SDK1: variants seen among roughly 807,000 people sequenced by gnomAD.
SDK1 encodes protein sidekick-1.
SDK1 carries 157 observed loss-of-function variants against 245.5 expected under a neutral mutation model. The ratio of observed to expected loss-of-function variants is 0.64; its 90% CI spans 0.56 to 0.73. The LOEUF (loss-of-function observed/expected upper bound fraction) is 0.73, where lower values mean the gene tolerates loss of function less well. Ranked by LOEUF, SDK1 falls within the 30% of genes least tolerant of loss-of-function variation. The pLI is 0.00. For synonymous variants in SDK1, 1,647 were observed against 1,278.5 expected, an observed-to-expected ratio of 1.29 and a Z score of -6.15; for missense variants, 3,583 against 3,002.3, an observed-to-expected ratio of 1.19 and a Z score of -4.52.
At chr7:4,136,435 C>A (rs555618224) in intron 28 of SDK1, among the ~76,000 whole-genome samples, 1 of 152,234 alleles carries the variant, frequency 6.6e-6, no homozygotes, top group African/African-American at 2.4e-5. Context: ...AGTACATAAA[C>A]ACCTCTGCCG....
At chr7:4,200,813 A>G (rs145497132) in intron 35 of SDK1, among the ~76,000 whole-genome samples, 209 of 152,394 alleles carry the variant, frequency 1.4e-3, no homozygotes, top group African/African-American at 4.8e-3. Flanking sequence ...TTCTCAGGGC[A>G]TAAGTAACAG....
rs552193856 is a variant in SDK1, at chr7:3,583,051, C to T, written c.299-36029C>T. ...CAGGTCTAGTCCTAAATGCAGAGGG[C>T]AGGGGTAGGGATGGGAGTAAAAGCA... On this transcript the variant is annotated intron_variant, in intron 1 of 44. Coordinates refer to ENST00000404826, the MANE Select transcript of SDK1 (RefSeq NM_152744.4). 1.1e-3 allele frequency among the ~76,000 whole-genome samples: 170 copies of T among 152,226 alleles called. 1 individual carries two copies. The highest frequency in any genetic ancestry group is 4.0e-3 in the African/African-American group (166 of 41,540).
intron 4 of SDK1, among the ~76,000 whole-genome samples, chr7:3,763,612 A>G (rs1227959097): frequency 6.6e-6 from 1 of 152,246 alleles, no homozygotes; most frequent in Non-Finnish European, 1.5e-5. Flanking sequence ...TGCACACAAT[A>G]AAATGGATAA....
intron 4 of SDK1, among the ~76,000 whole-genome samples, chr7:3,701,007 C>G (rs1784722975): frequency 6.6e-6 from 1 of 151,952 alleles, no homozygotes; most frequent in South Asian, 2.1e-4. Context: ...GCGCGTGAGC[C>G]CCATAGGGCT....
At position 3,311,779 on chromosome 7, in the gene SDK1, A is replaced by G. The variant is rs554092621; in HGVS notation, c.298+9895A>G. Among the ~76,000 whole-genome samples the G allele has an allele frequency of 3.3e-4, 50 of 152,282 alleles. 1 individual carries two copies. The highest frequency in any genetic ancestry group is 1.0e-3 in the Admixed American group (16 of 15,294). On this transcript the variant is annotated intron_variant, in intron 1 of 44. Transcript: ENST00000404826. ...TGGACAAAATATAACAAGAACAAAC[A>G]AGCGTTTCTGAAGTTTAAAATACCA... is the stretch of plus-strand genomic sequence containing the variant.
chr7:3,301,974 C>A (rs1194322613), intron 1 of SDK1, 90 bp downstream of exon 1: 55 of 966,964 alleles, frequency 5.7e-5, no homozygotes, highest in Admixed American at 1.2e-4. Context: ...GGGGTCCCCC[C>A]GCTTCCCGGC....
rs562407636 is a variant in SDK1 at position 3,717,632 on chromosome 7, A to T, written c.713+75527A>T. On this transcript the variant is annotated intron_variant, in intron 4 of 44. Transcript: ENST00000404826. ...GCCTTTAAAAGAATGATAGGAAAAT[A>T]CTACAGCAGGTTTATGCCCATAAAG... 3.0e-4 allele frequency among the ~76,000 whole-genome samples: 46 copies of T among 152,330 alleles called. 1 individual carries two copies. The highest frequency in any genetic ancestry group is 1.1e-3 in the African/African-American group (46 of 41,574).
chr7:3,721,425 G>A (rs1296422863), intron 4 of SDK1, among the ~76,000 whole-genome samples: 3 of 152,258 alleles, frequency 2.0e-5, no homozygotes, highest in South Asian at 4.1e-4. Context: ...TGAACTCCTC[G>A]TAAATCTAAT....
chr7:3,611,994 G>T (rs566552823), intron 1 of SDK1, among the ~76,000 whole-genome samples: 10 of 152,100 alleles, frequency 6.6e-5, no homozygotes, highest in Non-Finnish European at 1.3e-4. Context: ...AAGTAACTGG[G>T]GAATGGAAAA....
intron 14 of SDK1, among the ~76,000 whole-genome samples, chr7:4,007,330 AG>A (rs1170347548): frequency 6.6e-6 from 1 of 152,134 alleles, no homozygotes; most frequent in Non-Finnish European, 1.5e-5. Flanking sequence ...GAGATTATGT[AG>A]GGTGGCTGCT....
At chr7:4,132,517 T>C in intron 28 of SDK1, 94 bp downstream of exon 28, 1 of 811,700 alleles carries the variant, frequency 1.2e-6, no homozygotes. Flanking sequence ...AGCCCAGGAG[T>C]TCAAGACCAG....
chr7:4,096,843 G>C (rs995925923), intron 22 of SDK1, among the ~76,000 whole-genome samples: 1 of 152,066 alleles, frequency 6.6e-6, no homozygotes, highest in Middle Eastern at 3.2e-3. Context: ...AAACCCCCAC[G>C]GGGGTCGCTG....
chr7:3,407,630 C>A (rs1224131564), intron 1 of SDK1, among the ~76,000 whole-genome samples: 2 of 152,158 alleles, frequency 1.3e-5, no homozygotes, highest in Non-Finnish European at 2.9e-5. Flanking sequence ...CAGCTTTCTG[C>A]TAGTGACCTA....
chr7:4,179,733 TG>T, intron 35 of SDK1, among the ~76,000 whole-genome samples: 1 of 151,818 alleles, frequency 6.6e-6, no homozygotes, highest in South Asian at 2.1e-4. Context: ...CCAAGGGTGC[TG>T]TCAGAGAGGG....
At chr7:3,789,234 A>G (rs1277920177) in intron 4 of SDK1, among the ~76,000 whole-genome samples, 1 of 151,558 alleles carries the variant, frequency 6.6e-6, no homozygotes, top group African/African-American at 2.4e-5. Flanking sequence ...CGCAACCTCC[A>G]CCTCCCAGGT....
intron 1 of SDK1, among the ~76,000 whole-genome samples, chr7:3,457,800 G>C (rs1255311290): frequency 6.6e-6 from 1 of 152,028 alleles, no homozygotes; most frequent in African/African-American, 2.4e-5. Context: ...CTCCTTTGTT[G>C]TTACCCTGAT....
At chr7:3,455,332 C>A (rs976401583) in intron 1 of SDK1, among the ~76,000 whole-genome samples, 1 of 150,262 alleles carries the variant, frequency 6.7e-6, no homozygotes, top group African/African-American at 2.4e-5. Flanking sequence ...CTTTTAGAGT[C>A]AATTCTAAGA....
chr7:4,123,020 G>T (rs780080329), intron 25 of SDK1, among the ~76,000 whole-genome samples: 5 of 152,178 alleles, frequency 3.3e-5, no homozygotes, highest in Non-Finnish European at 7.3e-5. Flanking sequence ...TGTCCGAATT[G>T]CTGCAATCCC....
intron 14 of SDK1, among the ~76,000 whole-genome samples, chr7:4,006,035 C>G (rs1583805317): frequency 6.6e-6 from 1 of 152,110 alleles, no homozygotes; most frequent in South Asian, 2.1e-4. Flanking sequence ...CCACTGCACT[C>G]CAGCCTGGAT....
Sources: allele counts gnomAD v4.1 joint callset (sites outside exome capture counted in the v4.1 genomes callset), GRCh38; gene constraint gnomAD v4.1.1; transcripts MANE v1.5; gene names NCBI Gene and HGNC (gene_info 2026-07-23, HGNC 2026-07-21).